The following SERPINF1 variants were observed in gnomAD, a reference collection of about 807,000 sequenced individuals.
SERPINF1 encodes pigment epithelium-derived factor.
In SERPINF1, 29 loss-of-function variants were observed where a neutral mutation model predicts 37.3. The ratio of observed to expected loss-of-function variants is 0.78; its 90% CI spans 0.58 to 1.06. The LOEUF (loss-of-function observed/expected upper bound fraction) is 1.06, where lower values mean the gene tolerates loss of function less well. Ranked by LOEUF, SERPINF1 falls within the 50% of genes least tolerant of loss-of-function variation. SERPINF1 has a pLI of 0.00. For synonymous variants in SERPINF1, 281 were observed against 227.9 expected (o/e 1.23, Z -2.10); for missense variants, 553 against 532.2 (o/e 1.04, Z -0.38).
chr17:1,774,221 G>A (rs1351631281), intron 5 of SERPINF1, among the ~76,000 whole-genome samples: 1 of 152,170 alleles, frequency 6.6e-6, no homozygotes, highest in Non-Finnish European at 1.5e-5. Context: ...TTGAGATGGA[G>A]TTTCGCTCTT....
rs764446787 is a variant in SERPINF1 at position 1,777,285 on chromosome 17, G to A, written c.1096G>A (p.Glu366Lys). ...VEHRAGFEWN[E>K]DGAGTTPSPG... ...ACACCGGGCTGGCTTTGAGTGGAAC[G>A]AGGATGGGGCGGGAACCACCCCCAG... is the stretch of plus-strand genomic sequence containing the variant. Residue 366 changes from glutamate to lysine, a missense_variant, in exon 8 of 8, where the codon GAG (glutamate) becomes AAG (lysine). Physicochemically the swap from Glu to Lys is moderately conservative, Grantham distance 56 (BLOSUM62 1). Transcript: ENST00000254722. 10 of 1,614,000 alleles carry A rather than the reference G, an allele frequency of 6.2e-6. No homozygotes were observed. Among genetic ancestry groups the A allele is most frequent in the East Asian group, 2.2e-5 (1 of 44,882 alleles).
At position 1,776,920 on chromosome 17, in the gene SERPINF1, C is replaced by A. The variant is rs1183632998; in HGVS notation, c.997+178C>A. Among the ~76,000 whole-genome samples the A allele has an allele frequency of 2.0e-5, 3 of 151,596 alleles. No homozygotes were observed. In the East Asian group the frequency reaches 5.9e-4, roughly 30 times the overall value. The stretch of plus-strand genomic sequence containing the variant: ...CTGAACTGCCTTCTCTCATCAGACT[C>A]ATTCCTCAGCCTCACGAGCAGACCT... On this transcript the variant is annotated intron_variant, in intron 7 of 7. Coordinates refer to ENST00000254722, the MANE Select transcript of SERPINF1 (RefSeq NM_002615.7).
chr17:1,776,842 T>C, intron 7 of SERPINF1, 100 bp downstream of exon 7: 1 of 1,113,968 alleles, frequency 9.0e-7, no homozygotes, highest in South Asian at 1.3e-5. Flanking sequence ...CTCCACAGGC[T>C]TGTAGGGGGG....
rs1907645351 is a variant in SERPINF1, at chr17:1,770,229, C to T, written c.283+179C>T. On this transcript the variant is annotated intron_variant, in intron 3 of 7. Coordinates refer to ENST00000254722, the MANE Select transcript of SERPINF1 (RefSeq NM_002615.7). ...GCTCAGGGGCTGCACACACACGATT[C>T]CCCAGCTCCCCGAAAGGGGCTGGGC... 2.0e-5 allele frequency among the ~76,000 whole-genome samples: 3 copies of T among 152,310 alleles called. No homozygotes were observed. The South Asian group carries it at 6.2e-4, about 32-fold the overall frequency.
At chr17:1,764,050 C>T (rs188647573) in intron 1 of SERPINF1, among the ~76,000 whole-genome samples, 27 of 152,280 alleles carry the variant, frequency 1.8e-4, no homozygotes, top group African/African-American at 6.3e-4. Flanking sequence ...GGTGTGGTGG[C>T]GGGCACCTGT....
At chr17:1,770,095 C>T (rs777975858) in intron 3 of SERPINF1, 45 bp downstream of exon 3, 35 of 1,600,478 alleles carry the variant, frequency 2.2e-5, no homozygotes, top group Admixed American at 3.3e-5. Flanking sequence ...CTGGAGAGGC[C>T]CCCTGTGGCC....
At chr17:1,765,989 G>T (rs746408613) in intron 1 of SERPINF1, among the ~76,000 whole-genome samples, 3 of 152,150 alleles carry the variant, frequency 2.0e-5, no homozygotes, top group Non-Finnish European at 4.4e-5. Flanking sequence ...GGAATGAGCT[G>T]CCTTGTGAGG....
Position 1,772,083 on chromosome 17 carries a change from C to A in SERPINF1, c.643+8C>A, listed in dbSNP as rs149399910. On this transcript the variant is annotated splice_region_variant and intron_variant, in intron 5 of 7. Transcript: ENST00000254722. ...GTGTGGCGCACTTCAAGGGTGAGCG[C>A]GTCTCCAATTCTTTTTCATTTATTT... The A allele has an allele frequency of 4.8e-5, 78 of 1,611,274 alleles. No individual in the cohort carries two copies. The highest frequency in any genetic ancestry group is 6.4e-5 in the Non-Finnish European group (76 of 1,179,128).
intron 6 of SERPINF1, among the ~76,000 whole-genome samples, chr17:1,775,966 G>C (rs1231157338): frequency 1.3e-5 from 2 of 152,184 alleles, no homozygotes; most frequent in Non-Finnish European, 2.9e-5. Flanking sequence ...TCAAACCCGA[G>C]GGAGCACCGC....
At chr17:1,769,592 C>G (rs1223030942) in intron 2 of SERPINF1, 1 of 531,330 alleles carries the variant, frequency 1.9e-6, no homozygotes, top group African/African-American at 1.9e-5. Context: ...CCACTGAACT[C>G]TAGCCTGGGT....
intron 3 of SERPINF1, 177 bp from the exon 4 acceptor site, chr17:1,770,852 A>G (rs1364305975): frequency 1.1e-5 from 8 of 757,470 alleles, no homozygotes; most frequent in Non-Finnish European, 1.6e-5. Flanking sequence ...CCTTTAACCT[A>G]CTTCAGGAAA....
intron 2 of SERPINF1, chr17:1,769,627 TA>T (rs1165583284): frequency 1.3e-3 from 657 of 507,308 alleles, no homozygotes; most frequent in East Asian, 2.6e-3. Flanking sequence ...CTGTCTCAAA[TA>T]AAAAAAAAAC....
Position 1,770,036 on chromosome 17 carries a change from C to G in SERPINF1, c.269C>G (p.Ser90Trp), listed in dbSNP as rs144853088. The G allele has an allele frequency of 1.9e-6, 3 of 1,614,186 alleles. No individual in the cohort carries two copies. The highest frequency in any genetic ancestry group is 1.7e-6 in the Non-Finnish European group (2 of 1,180,034). ...CCTCTCAGTGTGGCCACGGCCCTCT[C>G]GGCCCTCTCGCTGGGTGAGTGCTCA... ...LSPLSVATAL[S>W]ALSLGAEQRT... Residue 90 changes from serine (S) to tryptophan (W), a missense_variant, in exon 3 of 8, where the codon TCG (serine) becomes TGG (tryptophan). Ser to Trp is a radical substitution (Grantham distance 177). Coordinates refer to ENST00000254722, the MANE Select transcript of SERPINF1 (RefSeq NM_002615.7).
rs1907692236 is a variant in SERPINF1 at position 1,771,052 on chromosome 17, A to G, written c.307A>G (p.Ile103Val). ...SLGAEQRTES[I>V]IHRALYYDLI... ...AGGAGCGGAGCAGCGAACAGAATCC[A>G]TCATTCACCGGGCTCTCTACTATGA... Residue 103 changes from isoleucine to valine, a missense_variant, in exon 4 of 8, where the codon ATC (isoleucine) becomes GTC (valine). Coordinates refer to ENST00000254722, the MANE Select transcript of SERPINF1 (RefSeq NM_002615.7). 6.2e-7 allele frequency: 1 copy of G among 1,614,074 alleles called. No individual in the cohort carries two copies. The highest frequency in any genetic ancestry group is 8.5e-7 in the Non-Finnish European group (1 of 1,179,994).
rs1908049098 is a variant in SERPINF1 at position 1,776,649 on chromosome 17, G to C, written c.904G>C (p.Asp302His). 3.1e-6 allele frequency: 5 copies of C among 1,613,844 alleles called. No individual in the cohort carries two copies. The highest frequency in any genetic ancestry group is 4.2e-6 in the Non-Finnish European group (5 of 1,180,026). ...CACCTCCGAGTTCATTCATGACATA[G>C]ACCGAGAACTGAAGACCGTGCAGGC... ...SLTSEFIHDIDRELKTVQAVL... is the reference protein window; with the variant it reads ...SLTSEFIHDIHRELKTVQAVL... The change falls in exon 7 of 8, where the codon GAC becomes CAC. Residue 302 changes from aspartate (D) to histidine (H), a missense_variant. By Grantham distance (81) the Asp-to-His change is moderately conservative. Coordinates refer to ENST00000254722, the MANE Select transcript of SERPINF1 (RefSeq NM_002615.7).
chr17:1,769,959 C>G lies in SERPINF1; in HGVS notation c.192C>G (p.Asp64Glu). 1 of 1,614,180 alleles carries G rather than the reference C, an allele frequency of 6.2e-7. No individual in the cohort carries two copies. The highest frequency in any genetic ancestry group is 8.5e-7 in the Non-Finnish European group (1 of 1,179,998). The change falls in exon 3 of 8, where the codon GAC becomes GAG. Residue 64 changes from aspartate (D) to glutamate (E), a missense_variant. By Grantham distance (45) the Asp-to-Glu change is conservative. Transcript: ENST00000254722. The part of the protein sequence containing the change: ...LAAAVSNFGY[D>E]LYRVRSSTSP... ...CGGCTGTCTCCAACTTCGGCTATGACCTGTACCGGGTGCGATCCAGCACGA... is the reference window on the plus strand; with the variant it reads ...CGGCTGTCTCCAACTTCGGCTATGAGCTGTACCGGGTGCGATCCAGCACGA...
intron 6 of SERPINF1, 123 bp downstream of exon 6, chr17:1,775,323 G>C: frequency 1.0e-6 from 1 of 996,994 alleles, no homozygotes; most frequent in East Asian, 2.5e-5. Flanking sequence ...CCTGCTGTGT[G>C]ACTTTGAGCA....
At chr17:1,763,661 G>A (rs1597344733) in intron 1 of SERPINF1, among the ~76,000 whole-genome samples, 1 of 152,232 alleles carries the variant, frequency 6.6e-6, no homozygotes, top group East Asian at 1.9e-4. Context: ...CAGATGGCTT[G>A]AAGTGGAGGA....
rs148516144 is a variant in SERPINF1 at position 1,772,096 on chromosome 17, TTTTCA to T, written c.643+25_643+29del. 8,789 of 1,604,218 alleles carry T rather than the reference TTTTCA, an allele frequency of 5.5e-3. 416 individuals are homozygous for T. In the African/African-American group the frequency reaches 0.1, roughly 19 times the overall value. On this transcript the variant is annotated intron_variant, in intron 5 of 7. Transcript: ENST00000254722. Reference sequence around the variant, plus strand: ...CAAGGGTGAGCGCGTCTCCAATTCTTTTTCATTTATTTTACTGTATTTTAACTAAT... The same window carrying T: ...CAAGGGTGAGCGCGTCTCCAATTCTTTTTATTTTACTGTATTTTAACTAAT...
Sources: gnomAD v4.1 joint callset for allele counts (sites outside exome capture counted in the v4.1 genomes callset) on GRCh38, gnomAD v4.1.1 for gene constraint, MANE v1.5 for transcripts, NCBI Gene and HGNC (gene_info 2026-07-23, HGNC 2026-07-21) for gene names.